Variants in THSD7A observed in about 807,000 individuals in gnomAD.
The protein encoded by THSD7A is thrombospondin type 1 domain containing 7A, also known as thrombospondin type-1 domain-containing protein 7A.
In THSD7A, 96 loss-of-function variants were observed where a neutral mutation model predicts 231.3. The ratio of observed to expected loss-of-function variants is 0.41; its 90% confidence interval spans 0.35 to 0.49. The LOEUF (loss-of-function observed/expected upper bound fraction) is 0.49, where lower values mean the gene tolerates loss of function less well. THSD7A is among the 20% of genes least tolerant of loss of function. The pLI, the probability that THSD7A is intolerant of heterozygous loss-of-function variation, is 0.05. For synonymous variants in THSD7A, 940 were observed against 743.3 expected, an observed-to-expected ratio of 1.26 and a Z score of -4.30; for missense variants, 2,290 against 2,070.2, an observed-to-expected ratio of 1.11 and a Z score of -2.06.
In THSD7A at chr7:11,759,595, A is replaced by G. The variant is rs557822921; in HGVS notation, c.190+72162T>C. 4.6e-5 allele frequency among the ~76,000 whole-genome samples: 7 copies of G among 152,176 alleles called. No homozygotes were observed. In the East Asian group the frequency reaches 1.4e-3, roughly 29 times the overall value. On this transcript the variant is annotated intron_variant, in intron 1 of 27. Transcript: ENST00000423059. ...TTTTTCAGAATTCATGAAAGATATC[A>G]GTTCTCATATTCAGAAAGCCAAGCG... is the stretch of plus-strand genomic sequence containing the variant.
intron 6 of THSD7A, among the ~76,000 whole-genome samples, chr7:11,522,415 A>T (rs7782917): frequency 0.25 from 37,280 of 151,912 alleles, 5,401 homozygotes; most frequent in African/African-American, 0.41. Flanking sequence ...TCCACAAGTT[A>T]TCTTTCACAT....
At chr7:11,443,108 C>T (rs145237795) in intron 13 of THSD7A, among the ~76,000 whole-genome samples, 51 of 152,176 alleles carry the variant, frequency 3.4e-4, no homozygotes, top group African/African-American at 1.2e-3. Flanking sequence ...ACTGAAGTGG[C>T]TTGCTGATGC....
At chr7:11,505,010 C>T (rs918004589) in intron 6 of THSD7A, among the ~76,000 whole-genome samples, 4 of 152,062 alleles carry the variant, frequency 2.6e-5, no homozygotes, top group Non-Finnish European at 5.9e-5. Context: ...GTTAGAGATG[C>T]AGGCATGTTT....
At chr7:11,804,997 A>G (rs145415585) in intron 1 of THSD7A, among the ~76,000 whole-genome samples, 25 of 152,248 alleles carry the variant, frequency 1.6e-4, no homozygotes, top group Non-Finnish European at 3.2e-4. Flanking sequence ...AGAATTTGGT[A>G]AAGAGCTGAA....
chr7:11,599,820 G>A (rs1780489514), intron 2 of THSD7A, among the ~76,000 whole-genome samples: 2 of 151,640 alleles, frequency 1.3e-5, no homozygotes, highest in African/African-American at 4.8e-5. Flanking sequence ...TGTTGCCAAA[G>A]GAGATTAACA....
intron 1 of THSD7A, among the ~76,000 whole-genome samples, chr7:11,825,493 G>C (rs1046016719): frequency 1.3e-5 from 2 of 152,082 alleles, no homozygotes; most frequent in Non-Finnish European, 2.9e-5. Flanking sequence ...GAAAAGAAAA[G>C]ATGCTTAAGA....
chr7:11,645,510 C>T (rs936239148), intron 1 of THSD7A, among the ~76,000 whole-genome samples: 3 of 151,558 alleles, frequency 2.0e-5, no homozygotes, highest in South Asian at 4.1e-4. Flanking sequence ...TATTTAAATA[C>T]GTTAAATGCA....
At chr7:11,808,428 G>A (rs1485656581) in intron 1 of THSD7A, among the ~76,000 whole-genome samples, 1 of 152,050 alleles carries the variant, frequency 6.6e-6, no homozygotes, top group Non-Finnish European at 1.5e-5. Context: ...CAACACCTTG[G>A]TCTTTGACTT....
At chr7:11,633,584 C>A (rs1028359946) in intron 2 of THSD7A, among the ~76,000 whole-genome samples, 1 of 152,128 alleles carries the variant, frequency 6.6e-6, no homozygotes, top group Non-Finnish European at 1.5e-5. Flanking sequence ...ACACATAATG[C>A]CCTTCTAAGT....
intron 4 of THSD7A, among the ~76,000 whole-genome samples, chr7:11,585,364 T>G (rs1791355281): frequency 6.6e-6 from 1 of 152,206 alleles, no homozygotes; most frequent in Admixed American, 6.5e-5. Context: ...ACAAGGAGGC[T>G]CTGATTCCTT....
intron 9 of THSD7A, among the ~76,000 whole-genome samples, chr7:11,468,325 G>A (rs1476871473): frequency 6.6e-6 from 1 of 151,148 alleles, no homozygotes; most frequent in Non-Finnish European, 1.5e-5. Flanking sequence ...GCCATCATAG[G>A]TAAAATATTA....
At chr7:11,391,120 C>T (rs1477576357) in intron 23 of THSD7A, among the ~76,000 whole-genome samples, 2 of 152,236 alleles carry the variant, frequency 1.3e-5, no homozygotes, top group Non-Finnish European at 1.5e-5. Context: ...AGATCAAATG[C>T]TGTGCTGGGA....
intron 1 of THSD7A, among the ~76,000 whole-genome samples, chr7:11,776,303 C>T (rs991375811): frequency 1.3e-5 from 2 of 152,122 alleles, no homozygotes; most frequent in Non-Finnish European, 2.9e-5. Context: ...AGAAATTTTG[C>T]CCCAGAGACT....
At chr7:11,724,932 T>C (rs1176769382) in intron 1 of THSD7A, among the ~76,000 whole-genome samples, 1 of 151,758 alleles carries the variant, frequency 6.6e-6, no homozygotes, top group Non-Finnish European at 1.5e-5. Flanking sequence ...CATCTCTTCT[T>C]CTTCTTCTTC....
rs370590316 is a variant in THSD7A, at chr7:11,512,378, G to A, written c.1822+29041C>T. On this transcript the variant is annotated intron_variant, in intron 6 of 27. Transcript: ENST00000423059. ...CAACCATTGTGGAAGTCAGTGTGGC[G>A]ATTCCTCAAGGATCTAGAACTAGAA... Among the ~76,000 whole-genome samples the A allele has an allele frequency of 5.9e-5, 9 of 152,220 alleles. No homozygotes were observed. The East Asian group carries it at 1.4e-3, about 23-fold the overall frequency.
At chr7:11,575,911 A>C (rs1229360503) in intron 4 of THSD7A, among the ~76,000 whole-genome samples, 1 of 152,192 alleles carries the variant, frequency 6.6e-6, no homozygotes, top group Non-Finnish European at 1.5e-5. Context: ...ACACAGTTAC[A>C]GTGTCTTTTT....
chr7:11,491,711 C>T (rs1786900804), intron 6 of THSD7A, among the ~76,000 whole-genome samples: 1 of 152,040 alleles, frequency 6.6e-6, no homozygotes, highest in Non-Finnish European at 1.5e-5. Context: ...AATTTAAGAG[C>T]TTACATAAAT....
chr7:11,761,792 G>A (rs944582087), intron 1 of THSD7A, among the ~76,000 whole-genome samples: 3 of 151,878 alleles, frequency 2.0e-5, no homozygotes, highest in Non-Finnish European at 4.4e-5. Context: ...ACACGTGCAG[G>A]TTTGTTACAT....
chr7:11,660,559 C>T (rs536442387), intron 1 of THSD7A, among the ~76,000 whole-genome samples: 1 of 151,060 alleles, frequency 6.6e-6, no homozygotes, highest in Non-Finnish European at 1.5e-5. Flanking sequence ...GAAACACATA[C>T]AAATGTATAT....
Sources: allele counts gnomAD v4.1 joint callset (sites outside exome capture counted in the v4.1 genomes callset), GRCh38; gene constraint gnomAD v4.1.1; transcripts MANE v1.5; gene names NCBI Gene and HGNC (gene_info 2026-07-23, HGNC 2026-07-21).